HRG: variants seen among roughly 807,000 people sequenced by gnomAD.
HRG encodes the protein histidine rich glycoprotein.
Under a neutral mutation model 29.5 loss-of-function variants are expected in HRG, and 26 were observed. The ratio of observed to expected loss-of-function variants is 0.88; its 90% confidence interval spans 0.65 to 1.22. The LOEUF (loss-of-function observed/expected upper bound fraction) is 1.22. Among genes scored for constraint, HRG ranks in the 50% most tolerant of loss-of-function variants. The probability of loss-of-function intolerance (pLI) is 0.00; values close to 1 mark genes in which losing one functional copy is unlikely to be tolerated. For missense variants in HRG, 671 were observed against 654.5 expected, an observed-to-expected ratio of 1.03 and a Z score of -0.28; for synonymous variants, 243 against 240.4, an observed-to-expected ratio of 1.01 and a Z score of -0.10.
rs146676859 is a variant in HRG, at chr3:186,671,620, C to T, written c.392-3C>T. 325 of 1,613,666 alleles carry T rather than the reference C, an allele frequency of 2.0e-4. 1 individual carries two copies. In the African/African-American group the frequency reaches 3.6e-3, roughly 18 times the overall value. The stretch of plus-strand genomic sequence containing the variant: ...CTGTGACACTGCTATCTTCTTTCTC[C>T]AGTCTCTTCAGCACTGGCCAATACC... On this transcript the variant is annotated splice_polypyrimidine_tract_variant and splice_region_variant and intron_variant, in intron 3 of 6. Transcript: ENST00000232003.
In HRG at chr3:186,666,156, G is replaced by T. The variant is rs114895145; in HGVS notation, c.125G>T (p.Arg42Leu). 1 of 1,614,180 alleles carries T rather than the reference G, an allele frequency of 6.2e-7. No homozygotes were observed. The highest frequency in any genetic ancestry group is 8.5e-7 in the Non-Finnish European group (1 of 1,180,008). The change falls in exon 1 of 7, where the codon CGA (arginine) becomes CTA (leucine). Residue 42 changes from arginine to leucine, a missense_variant. Transcript: ENST00000232003. ...EKALDLINKR[R>L]RDGYLFQLLR... ...GCTCTAGACCTGATCAATAAAAGGC[G>T]ACGGGATGGCTACCTTTTCCAATTG...
In HRG at chr3:186,677,808, T is replaced by G; in HGVS notation, c.1503T>G (p.Ser501=). The G allele has an allele frequency of 6.2e-7, 1 of 1,614,206 alleles. No individual in the cohort carries two copies. The highest frequency in any genetic ancestry group is 1.3e-5 in the African/African-American group (1 of 75,076). ...ATCAGCCCTTTCCTCAATCAGTCTC[T>G]GAATCATGTCCAGGGAAGTTCAAGA... ...PDNQPFPQSV[S]ESCPGKFKSG... Residue 501 remains serine, a synonymous_variant, in exon 7 of 7, where the codon TCT becomes TCG. Transcript: ENST00000232003.
intron 3 of HRG, among the ~76,000 whole-genome samples, chr3:186,671,089 C>T (rs968130375): frequency 1.3e-5 from 2 of 151,252 alleles, no homozygotes; most frequent in Non-Finnish European, 2.9e-5. Flanking sequence ...TGCGGTGGCT[C>T]ACATCTATAA....
In HRG at chr3:186,677,766, TC is replaced by T; in HGVS notation, c.1463del (p.Pro488LeufsTer2). Reference protein sequence around the residue: ...PSFPLPHHKHPLKPDNQPFPQ... With the variant: ...PSFPLPHHKHXLKPDNQPFPQ... ...GCTTCCCATTGCCGCACCACAAACA[TC>T]CTCTAAAGCCAGACAATCAGCCCTT... is the stretch of plus-strand genomic sequence containing the variant. On this transcript the variant is annotated frameshift_variant, in exon 7 of 7. Coordinates refer to ENST00000232003, the MANE Select transcript of HRG (RefSeq NM_000412.5). LOFTEE classifies it low-confidence loss of function (END_TRUNC). The T allele has an allele frequency of 6.2e-7, 1 of 1,613,076 alleles. No homozygotes were observed. The highest frequency in any genetic ancestry group is 1.1e-5 in the South Asian group (1 of 91,050).
intron 3 of HRG, among the ~76,000 whole-genome samples, chr3:186,670,511 C>T (rs532561136): frequency 6.6e-6 from 1 of 152,250 alleles, no homozygotes; most frequent in Admixed American, 6.5e-5. Context: ...GACACAATCC[C>T]AGGAGTATTA....
At chr3:186,671,203 A>C (rs1266861438) in intron 3 of HRG, among the ~76,000 whole-genome samples, 1 of 140,360 alleles carries the variant, frequency 7.1e-6, no homozygotes, top group Non-Finnish European at 1.5e-5. Flanking sequence ...TTTAATATAT[A>C]TGTTAATATA....
intron 1 of HRG, 121 bp downstream of exon 1, chr3:186,666,335 C>A: frequency 1.1e-6 from 1 of 944,534 alleles, no homozygotes; most frequent in Non-Finnish European, 1.7e-6. Context: ...TTTTGTTTGG[C>A]TTCTGCGGCT....
At position 186,671,588 on chromosome 3, in the gene HRG, C is replaced by A. The variant is rs371964213; in HGVS notation, c.392-35C>A. 3.6e-5 allele frequency: 58 copies of A among 1,603,830 alleles called. 1 individual carries two copies. In the African/African-American group the frequency reaches 6.3e-4, roughly 17 times the overall value. On this transcript the variant is annotated intron_variant, in intron 3 of 6. Transcript: ENST00000232003. ...ACCAAGCCACCATTAACATTTCCAG[C>A]CCTTTACTGTGACACTGCTATCTTC... is the stretch of plus-strand genomic sequence containing the variant.
Position 186,677,680 on chromosome 3 carries a change from T to C in HRG, c.1375T>C (p.Tyr459His), listed in dbSNP as rs1342960824. 1.2e-6 allele frequency: 2 copies of C among 1,613,148 alleles called. No homozygotes were observed. Among genetic ancestry groups the C allele is most frequent in the African/African-American group, 2.7e-5 (2 of 74,914 alleles). ...PFHCRQIGSVYRLPPLRKGEV... is the reference protein window; with the variant it reads ...PFHCRQIGSVHRLPPLRKGEV... ...CCATTGCAGACAAATTGGATCTGTGTACCGACTCCCTCCTCTAAGAAAAGG... is the reference window on the plus strand; with the variant it reads ...CCATTGCAGACAAATTGGATCTGTGCACCGACTCCCTCCTCTAAGAAAAGG... Residue 459 changes from tyrosine (Y) to histidine (H), a missense_variant, in exon 7 of 7, where the codon TAC becomes CAC. Tyr to His is a moderately conservative substitution (Grantham distance 83). Transcript: ENST00000232003.
At chr3:186,670,264 CA>C (rs1487770985) in intron 3 of HRG, among the ~76,000 whole-genome samples, 5 of 152,206 alleles carry the variant, frequency 3.3e-5, no homozygotes, top group Non-Finnish European at 5.9e-5. Context: ...AGAAATTCAA[CA>C]CATAAAAATA....
intron 1 of HRG, chr3:186,668,648 A>T (rs572473896): frequency 2.5e-6 from 1 of 404,020 alleles, no homozygotes; most frequent in Non-Finnish European, 4.6e-6. Context: ...ACTTCCAGGC[A>T]TGCGTAGGTG....
intron 1 of HRG, among the ~76,000 whole-genome samples, chr3:186,668,180 A>T (rs564911651): frequency 7.9e-5 from 12 of 152,216 alleles, no homozygotes; most frequent in South Asian, 2.1e-4. Flanking sequence ...TAGCATAGAG[A>T]GCGGGTGGAT....
At chr3:186,669,226 C>A (rs1436180667) in intron 2 of HRG, among the ~76,000 whole-genome samples, 175 bp downstream of exon 2, 1 of 152,192 alleles carries the variant, frequency 6.6e-6, no homozygotes, top group Non-Finnish European at 1.5e-5. Context: ...TCCTGGGAAC[C>A]CAGTTCAAGA....
intron 1 of HRG, among the ~76,000 whole-genome samples, chr3:186,667,761 A>C (rs926027941): frequency 6.6e-6 from 1 of 152,148 alleles, no homozygotes; most frequent in Admixed American, 6.6e-5. Context: ...GGTGGGTTCC[A>C]GAAGTTCCAT....
intron 3 of HRG, among the ~76,000 whole-genome samples, chr3:186,670,947 C>CTG (rs1718766787): frequency 6.6e-6 from 1 of 152,152 alleles, no homozygotes; most frequent in South Asian, 2.1e-4. Context: ...ATGCAAGATA[C>CTG]TGCCACAGGA....
In HRG at chr3:186,677,478, T is replaced by C. The variant is rs533637172; in HGVS notation, c.1173T>C (p.Pro391=). Residue 391 remains proline, a synonymous_variant, in exon 7 of 7, where the codon CCT becomes CCC. Transcript: ENST00000232003. ...GACACCACCCCCATGGACACCATCC[T>C]CATGGACACCACCCCCATGGACACC... ...PHGHHPHGHH[P]HGHHPHGHHP... 46 of 1,590,314 alleles carry C rather than the reference T, an allele frequency of 2.9e-5. 1 individual carries two copies. The highest frequency in any genetic ancestry group is 2.3e-4 in the Admixed American group (13 of 55,970).
In HRG at chr3:186,677,058, C is replaced by T. The variant is rs780568065; in HGVS notation, c.753C>T (p.Asn251=). ...CEVFDPQEHE[N]INGVPPHLGH... ...GTGACCTTTTCCAGGAACATGAGAACATCAATGGTGTACCGCCTCATTTGG... is the reference window on the plus strand; with the variant it reads ...GTGACCTTTTCCAGGAACATGAGAATATCAATGGTGTACCGCCTCATTTGG... The change falls in exon 7 of 7, where the codon AAC becomes AAT. Residue 251 remains asparagine, a synonymous_variant. Transcript: ENST00000232003. 2.5e-6 allele frequency: 4 copies of T among 1,614,010 alleles called. No homozygotes were observed. Among genetic ancestry groups the T allele is most frequent in the Non-Finnish European group, 3.4e-6 (4 of 1,179,950 alleles).
chr3:186,668,489 G>A (rs1718680592), intron 1 of HRG, among the ~76,000 whole-genome samples: 3 of 152,184 alleles, frequency 2.0e-5, no homozygotes, highest in Non-Finnish European at 2.9e-5. Context: ...GAAGTGGAGA[G>A]GGCAGCTAGT....
intron 6 of HRG, among the ~76,000 whole-genome samples, chr3:186,675,924 C>A (rs2108583179): frequency 8.1e-6 from 1 of 123,742 alleles, no homozygotes; most frequent in East Asian, 2.7e-4. Context: ...GGCTGGAATA[C>A]AATGGTGCCA....
Sources: gnomAD v4.1 joint callset for allele counts (sites outside exome capture counted in the v4.1 genomes callset) on GRCh38, gnomAD v4.1.1 for gene constraint, MANE v1.5 for transcripts, NCBI Gene and HGNC (gene_info 2026-07-23, HGNC 2026-07-21) for gene names.